The following TBC1D23 variants were observed in gnomAD, a reference collection of about 807,000 sequenced individuals.
The protein encoded by TBC1D23 is TBC1 domain family member 23.
In TBC1D23, 55 loss-of-function variants were observed where a neutral mutation model predicts 91.4. The observed-to-expected ratio is 0.60, with a 90% CI of 0.48 to 0.75. TBC1D23 has a LOEUF of 0.75. Among genes scored for constraint, TBC1D23 ranks in the 30% least tolerant of loss-of-function variants. The probability of loss-of-function intolerance (pLI) is 0.00; values close to 1 mark genes in which losing one functional copy is unlikely to be tolerated. For synonymous variants in TBC1D23, 289 were observed against 281.0 expected (o/e 1.03, Z -0.28); for missense variants, 725 against 836.1 (o/e 0.87, Z 1.64).
At chr3:100,272,773 A>G (rs1034057501) in intron 1 of TBC1D23, among the ~76,000 whole-genome samples, 7 of 152,256 alleles carry the variant, frequency 4.6e-5, no homozygotes, top group African/African-American at 1.4e-4. Flanking sequence ...TCTCTGCATC[A>G]TAGACAAGGT....
rs2067505216 is a variant in TBC1D23, at chr3:100,261,042, G to A, written c.24G>A (p.Pro8=). The change falls in exon 1 of 19, where the codon CCG becomes CCA. Residue 8 remains proline, a synonymous_variant. Coordinates refer to ENST00000394144, the MANE Select transcript of TBC1D23 (RefSeq NM_001199198.3). MAEGEDV[P]PLPTSSGDGW... is the part of the protein sequence containing the mutation. ...CAATGGCGGAAGGAGAAGATGTGCC[G>A]CCGCTGCCAACGTCGAGCGGCGACG... 1.2e-6 allele frequency: 2 copies of A among 1,614,062 alleles called. No homozygotes were observed. The highest frequency in any genetic ancestry group is 8.5e-7 in the Non-Finnish European group (1 of 1,179,928).
chr3:100,320,699 A>G (rs1705839575), intron 17 of TBC1D23, 78 bp from the exon 18 acceptor site: 1 of 815,586 alleles, frequency 1.2e-6, no homozygotes, highest in South Asian at 3.0e-5. Context: ...CTAATAATTG[A>G]GATGGTTGAA....
intron 9 of TBC1D23, among the ~76,000 whole-genome samples, chr3:100,298,372 TAAC>T (rs1429591416): frequency 6.6e-6 from 1 of 152,248 alleles, no homozygotes; most frequent in African/African-American, 2.4e-5. Flanking sequence ...ATTTAGCATT[TAAC>T]AGTTTCTGGT....
intron 11 of TBC1D23, among the ~76,000 whole-genome samples, chr3:100,302,575 TA>T (rs746551750): frequency 1.3e-4 from 20 of 152,180 alleles, no homozygotes; most frequent in Non-Finnish European, 2.9e-4. Context: ...TTTGATCTTT[TA>T]TTTTTTTTCT....
chr3:100,283,795 A>C lies in TBC1D23; in HGVS notation c.460A>C (p.Asn154His), dbSNP rs141943350. ...ATACAACTGCTTTTATGCCATAATG[A>C]ATAAGTACATTCCCAGGTAAAATAT... ...DLYNCFYAIM[N>H]KYIPRDCSQK... Residue 154 changes from asparagine (N) to histidine (H), a missense_variant, in exon 4 of 19, where the codon AAT becomes CAT. Physicochemically the swap from Asn to His is moderately conservative, Grantham distance 68 (BLOSUM62 1). Transcript: ENST00000394144. The C allele has an allele frequency of 4.8e-4, 774 of 1,606,364 alleles. 1 individual carries two copies. Among genetic ancestry groups the C allele is most frequent in the Non-Finnish European group, 6.0e-4 (698 of 1,173,036 alleles).
Position 100,311,872 on chromosome 3 carries a change from A to C in TBC1D23, c.1593A>C (p.Thr531=). 6.5e-7 allele frequency: 1 copy of C among 1,534,144 alleles called. No homozygotes were observed. The highest frequency in any genetic ancestry group is 1.2e-5 in the South Asian group (1 of 84,002). ...TTCCTTGGCCAGACAGATCATGTAC[A>C]GAGCGGTAAGCCAATGAGTAGAGCA... ...FNLPWPDRSC[T]ERHVSSSDRV... The change falls in exon 15 of 19, where the codon ACA becomes ACC. Residue 531 remains threonine, a synonymous_variant. Coordinates refer to ENST00000394144, the MANE Select transcript of TBC1D23 (RefSeq NM_001199198.3).
At chr3:100,308,247 G>A (rs532880356) in intron 13 of TBC1D23, among the ~76,000 whole-genome samples, 78 of 152,118 alleles carry the variant, frequency 5.1e-4, no homozygotes, top group African/African-American at 1.6e-3. Flanking sequence ...AGGCTGAGGC[G>A]GGCAGATCAC....
intron 10 of TBC1D23, among the ~76,000 whole-genome samples, chr3:100,300,958 G>C (rs1705415836): frequency 6.6e-6 from 1 of 152,020 alleles, no homozygotes; most frequent in Non-Finnish European, 1.5e-5. Context: ...GATGCATAGT[G>C]GTCCATGGTA....
intron 13 of TBC1D23, among the ~76,000 whole-genome samples, chr3:100,309,696 C>T (rs750433213): frequency 6.8e-6 from 1 of 146,082 alleles, no homozygotes; most frequent in Non-Finnish European, 1.5e-5. Flanking sequence ...ACTGCAACCT[C>T]CACCTCACAG....
chr3:100,308,987 G>A (rs896833079), intron 13 of TBC1D23, among the ~76,000 whole-genome samples: 3 of 152,282 alleles, frequency 2.0e-5, no homozygotes, highest in East Asian at 1.9e-4. Context: ...ATGGGAATCC[G>A]AGGCAGATGA....
In TBC1D23 at chr3:100,320,761, CTTTT is replaced by C. The variant is rs746729185; in HGVS notation, c.1824-12_1824-9del. 1 of 1,418,134 alleles carries C rather than the reference CTTTT, an allele frequency of 7.1e-7. No homozygotes were observed. The highest frequency in any genetic ancestry group is 1.7e-5 in the South Asian group (1 of 57,570). 87.8% of individuals were successfully genotyped at this position (1,418,134 alleles called of 1,614,324 possible). The stretch of plus-strand genomic sequence containing the variant: ...CTTAAAAATTCTTTTTCTTTTAATG[CTTTT>C]TTTGTCTCAAGTCATCTGTTGGTTA... On this transcript the variant is annotated splice_polypyrimidine_tract_variant and intron_variant, in intron 17 of 18. Coordinates refer to ENST00000394144, the MANE Select transcript of TBC1D23 (RefSeq NM_001199198.3).
At chr3:100,316,332 A>G in intron 16 of TBC1D23, 145 bp downstream of exon 16, 3 of 665,684 alleles carry the variant, frequency 4.5e-6, no homozygotes, top group Non-Finnish European at 7.8e-6. Flanking sequence ...TTCTATTAAG[A>G]GTTTGGTTTT....
intron 16 of TBC1D23, among the ~76,000 whole-genome samples, chr3:100,316,813 C>T (rs1433212820): frequency 6.6e-6 from 1 of 151,984 alleles, no homozygotes; most frequent in Non-Finnish European, 1.5e-5. Flanking sequence ...ATAATTTAGG[C>T]CGGGCGCGGT....
intron 16 of TBC1D23, 49 bp from the exon 17 acceptor site, chr3:100,319,020 A>C: frequency 7.9e-7 from 1 of 1,265,824 alleles, no homozygotes; most frequent in Non-Finnish European, 1.1e-6. Context: ...GGAATGTATC[A>C]TTTTAAAAGT....
At chr3:100,289,633 G>A (rs1403225328) in intron 4 of TBC1D23, among the ~76,000 whole-genome samples, 3 of 152,218 alleles carry the variant, frequency 2.0e-5, no homozygotes, top group African/African-American at 7.2e-5. Context: ...GTGAGTGGCT[G>A]CTGTGACCCG....
At chr3:100,294,102 T>G (rs973915299) in intron 5 of TBC1D23, among the ~76,000 whole-genome samples, 10 of 152,210 alleles carry the variant, frequency 6.6e-5, no homozygotes, top group African/African-American at 2.4e-4. Flanking sequence ...TTTAAACTTG[T>G]AGATGGAATT....
intron 14 of TBC1D23, among the ~76,000 whole-genome samples, chr3:100,311,581 C>T (rs1468203068): frequency 1.3e-5 from 2 of 152,132 alleles, no homozygotes; most frequent in African/African-American, 2.4e-5. Flanking sequence ...GTAGCATGAA[C>T]ATTTACAATT....
At chr3:100,297,859 A>C (rs1705332221) in intron 8 of TBC1D23, 64 bp from the exon 9 acceptor site, 1 of 1,388,340 alleles carries the variant, frequency 7.2e-7, no homozygotes, top group Non-Finnish European at 1.0e-6. Context: ...GTTTAATAAG[A>C]ATATTTTTAG....
At position 100,282,283 on chromosome 3, in the gene TBC1D23, G is replaced by A. The variant is rs958221020; in HGVS notation, c.271+436G>A. Among the ~76,000 whole-genome samples the A allele has an allele frequency of 1.3e-5, 2 of 152,212 alleles. 1 individual carries two copies. The highest frequency in any genetic ancestry group is 4.1e-4 in the South Asian group (2 of 4,828). ...CCTGAGATCACACCACTGCACTCCA[G>A]CCTGGGCACAGAGTGAGACTCTATC... On this transcript the variant is annotated intron_variant, in intron 3 of 18. Transcript: ENST00000394144.
Sources: allele counts gnomAD v4.1 joint callset (sites outside exome capture counted in the v4.1 genomes callset), GRCh38; gene constraint gnomAD v4.1.1; transcripts MANE v1.5; gene names NCBI Gene and HGNC (gene_info 2026-07-23, HGNC 2026-07-21).